The following DOCK4 variants were observed in gnomAD, a reference collection of about 807,000 sequenced individuals.
DOCK4 encodes the protein dedicator of cytokinesis protein 4.
In DOCK4, 97 loss-of-function variants were observed where a neutral mutation model predicts 268.1. The observed-to-expected ratio is 0.36, with a 90% CI of 0.31 to 0.43. The LOEUF (loss-of-function observed/expected upper bound fraction) is 0.43. Ranked by LOEUF, DOCK4 falls within the 20% of genes least tolerant of loss-of-function variation. The probability of loss-of-function intolerance (pLI) is 1.00; values close to 1 mark genes in which losing one functional copy is unlikely to be tolerated. For missense variants in DOCK4, 2,145 were observed against 2,455.7 expected, an observed-to-expected ratio of 0.87 and a Z score of 2.67; for synonymous variants, 954 against 887.2, an observed-to-expected ratio of 1.08 and a Z score of -1.34.
chr7:111,861,706 A>G (rs1479730347), intron 23 of DOCK4, among the ~76,000 whole-genome samples: 5 of 150,098 alleles, frequency 3.3e-5, no homozygotes, highest in African/African-American at 4.9e-5. Context: ...AGATCATGCC[A>G]CTGCACTCCA....
chr7:111,733,438 C>T (rs959748694), intron 51 of DOCK4, among the ~76,000 whole-genome samples: 2 of 152,144 alleles, frequency 1.3e-5, no homozygotes, highest in East Asian at 1.9e-4. Context: ...GCTGTCAGCA[C>T]GTGTCACATT....
At chr7:111,959,938 C>T (rs576078837) in intron 8 of DOCK4, among the ~76,000 whole-genome samples, 3 of 152,322 alleles carry the variant, frequency 2.0e-5, no homozygotes, top group South Asian at 4.1e-4. Context: ...CAATTTCAGA[C>T]GTCTCCCATT....
intron 1 of DOCK4, among the ~76,000 whole-genome samples, chr7:112,044,794 T>A (rs1269245584): frequency 6.6e-6 from 1 of 152,124 alleles, no homozygotes; most frequent in Non-Finnish European, 1.5e-5. Context: ...GATAGGTTCT[T>A]TAACATAAAT....
chr7:112,202,077 C>A (rs1820997087), intron 1 of DOCK4, among the ~76,000 whole-genome samples: 1 of 152,178 alleles, frequency 6.6e-6, no homozygotes, highest in African/African-American at 2.4e-5. Context: ...ATTCTCTTTA[C>A]CCATTCATCT....
intron 1 of DOCK4, among the ~76,000 whole-genome samples, chr7:112,048,780 T>C (rs979483465): frequency 6.6e-5 from 10 of 152,056 alleles, no homozygotes; most frequent in Non-Finnish European, 1.3e-4. Context: ...TCTTTCTTTT[T>C]TTTTTATTTT....
chr7:112,027,875 A>C (rs1308552169), intron 1 of DOCK4, among the ~76,000 whole-genome samples: 1 of 152,218 alleles, frequency 6.6e-6, no homozygotes, highest in Non-Finnish European at 1.5e-5. Flanking sequence ...AAGGTGAGTA[A>C]ATCACAGTCT....
chr7:111,927,209 G>A (rs1313714610), intron 12 of DOCK4, among the ~76,000 whole-genome samples: 1 of 152,144 alleles, frequency 6.6e-6, no homozygotes, highest in Non-Finnish European at 1.5e-5. Flanking sequence ...GGTATGATAA[G>A]CGTGAACAAA....
At chr7:111,990,573 T>C (rs1401213023) in intron 5 of DOCK4, among the ~76,000 whole-genome samples, 1 of 152,238 alleles carries the variant, frequency 6.6e-6, no homozygotes, top group Non-Finnish European at 1.5e-5. Context: ...TTTCACATGA[T>C]GTGCAGGTCA....
At chr7:112,120,283 T>G (rs1812616385) in intron 1 of DOCK4, among the ~76,000 whole-genome samples, 1 of 152,160 alleles carries the variant, frequency 6.6e-6, no homozygotes, top group Admixed American at 6.5e-5. Flanking sequence ...TTGCAGAATT[T>G]TTTTTCATCC....
intron 25 of DOCK4, among the ~76,000 whole-genome samples, chr7:111,844,229 T>G (rs1209102249): frequency 6.6e-6 from 1 of 152,074 alleles, no homozygotes; most frequent in Non-Finnish European, 1.5e-5. Flanking sequence ...TAAGCCAAGA[T>G]CACACACTCG....
intron 11 of DOCK4, among the ~76,000 whole-genome samples, chr7:111,939,648 C>T (rs893877633): frequency 2.6e-5 from 4 of 152,056 alleles, no homozygotes; most frequent in South Asian, 2.1e-4. Context: ...AAAATTGCAA[C>T]CTCAGGCATA....
chr7:111,904,500 C>T (rs1235536398), intron 13 of DOCK4, among the ~76,000 whole-genome samples: 1 of 152,158 alleles, frequency 6.6e-6, no homozygotes, highest in East Asian at 1.9e-4. Flanking sequence ...AGAAGATGAG[C>T]ACCCTGAGTA....
chr7:112,069,173 C>A (rs114304875), intron 1 of DOCK4, among the ~76,000 whole-genome samples: 8 of 152,242 alleles, frequency 5.3e-5, no homozygotes, highest in African/African-American at 1.9e-4. Context: ...AAGCCGTCTA[C>A]GTAACACCAA....
At chr7:111,925,192 T>C (rs946660148) in intron 12 of DOCK4, among the ~76,000 whole-genome samples, 4 of 152,188 alleles carry the variant, frequency 2.6e-5, no homozygotes, top group African/African-American at 9.6e-5. Context: ...ATTAGAATGT[T>C]ATGTGTTATA....
chr7:112,105,484 T>C (rs1267015110), intron 1 of DOCK4, among the ~76,000 whole-genome samples: 1 of 151,980 alleles, frequency 6.6e-6, no homozygotes, highest in Non-Finnish European at 1.5e-5. Context: ...ATGTGAACAT[T>C]GTAACTATAT....
chr7:111,732,095 C>CTTAT, intron 52 of DOCK4, 131 bp downstream of exon 52: 1 of 895,096 alleles, frequency 1.1e-6, no homozygotes, highest in Non-Finnish European at 1.7e-6. Context: ...ACCAGCTTCC[C>CTTAT]CTATCCCTGA....
At chr7:112,094,107 T>C (rs1170268496) in intron 1 of DOCK4, among the ~76,000 whole-genome samples, 2 of 152,126 alleles carry the variant, frequency 1.3e-5, no homozygotes, top group African/African-American at 2.4e-5. Flanking sequence ...AAGCACATCA[T>C]GCTATCTTTG....
intron 1 of DOCK4, among the ~76,000 whole-genome samples, chr7:112,105,749 T>C (rs2560653): frequency 0.73 from 109,124 of 149,572 alleles, 41,003 homozygotes; most frequent in East Asian, 0.98. Context: ...AGTGCAGTGA[T>C]GCAATTACAG....
chr7:112,052,344 G>A (rs371152372), intron 1 of DOCK4, among the ~76,000 whole-genome samples: 4 of 151,968 alleles, frequency 2.6e-5, no homozygotes, highest in African/African-American at 4.8e-5. Flanking sequence ...TAAATCCACC[G>A]TTTAACCTCC....
Sources: gnomAD v4.1 joint callset for allele counts (sites outside exome capture counted in the v4.1 genomes callset) on GRCh38, gnomAD v4.1.1 for gene constraint, MANE v1.5 for transcripts, NCBI Gene and HGNC (gene_info 2026-07-23, HGNC 2026-07-21) for gene names.